PRELID2: variants seen among roughly 807,000 people sequenced by gnomAD.
PRELID2 encodes PRELI domain-containing protein 2.
In PRELID2, 25 loss-of-function variants were observed where a neutral mutation model predicts 28.4. The observed-to-expected ratio is 0.88, with a 90% CI of 0.64 to 1.23. The LOEUF (loss-of-function observed/expected upper bound fraction) is 1.23. Among genes scored for constraint, PRELID2 ranks in the 50% most tolerant of loss-of-function variants. The pLI, the probability that PRELID2 is intolerant of heterozygous loss-of-function variation, is 0.00. For synonymous variants in PRELID2, 76 were observed against 71.6 expected, an observed-to-expected ratio of 1.06 and a Z score of -0.31; for missense variants, 201 against 214.4, an observed-to-expected ratio of 0.94 and a Z score of 0.39.
At chr5:145,429,109 C>CTT in the PRELID2 span, among the ~76,000 whole-genome samples, 13 of 152,128 alleles carry the variant, frequency 8.5e-5, no homozygotes, top group Non-Finnish European at 1.6e-4. Context: ...TAAAAGAGCA[C>CTT]TTTGGAGACT....
chr5:145,408,397 A>T, the PRELID2 span, among the ~76,000 whole-genome samples: 43 of 24,816 alleles, frequency 1.7e-3, 1 homozygote, highest in Middle Eastern at 0.023. Context: ...AAAGAAATTT[A>T]TATATATATA....
the PRELID2 span, among the ~76,000 whole-genome samples, chr5:145,429,717 C>A: frequency 6.6e-6 from 1 of 151,760 alleles, no homozygotes; most frequent in Non-Finnish European, 1.5e-5. Context: ...AATATGATAT[C>A]AAGAAGTGGA....
the PRELID2 span, among the ~76,000 whole-genome samples, chr5:145,338,594 C>T: frequency 1.1e-4 from 16 of 152,294 alleles, no homozygotes; most frequent in East Asian, 1.9e-4. Context: ...TTTAATATGG[C>T]ATCACCTGTC....
At chr5:145,283,457 T>A in the PRELID2 span, among the ~76,000 whole-genome samples, 6 of 152,196 alleles carry the variant, frequency 3.9e-5, no homozygotes, top group African/African-American at 1.2e-4. Context: ...TTATTGGAAA[T>A]CTGTGTTTAG....
downstream of PRELID2, among the ~76,000 whole-genome samples, chr5:145,752,093 AC>A (rs1326641920): frequency 6.6e-6 from 1 of 152,032 alleles, no homozygotes; most frequent in African/African-American, 2.4e-5. Flanking sequence ...TGCATGCAAT[AC>A]CCCCCAGAAG....
At chr5:145,562,905 A>G (rs1752936103) in intron 1 of PRELID2, among the ~76,000 whole-genome samples, 2 of 152,226 alleles carry the variant, frequency 1.3e-5, no homozygotes, top group African/African-American at 4.8e-5. Context: ...GAATTTCAAC[A>G]AGGAAGAGGT....
At chr5:145,790,721 G>GTGTGTGTATATATATA (rs772901344) in intron 5 of PRELID2, among the ~76,000 whole-genome samples, 4 of 110,910 alleles carry the variant, frequency 3.6e-5, no homozygotes, top group African/African-American at 6.1e-5. Flanking sequence ...GTGTGTGTGT[G>GTGTGTGTATATATATA]TATATATATA....
chr5:145,362,906 A>G, the PRELID2 span, among the ~76,000 whole-genome samples: 2 of 152,092 alleles, frequency 1.3e-5, no homozygotes, highest in African/African-American at 4.8e-5. Context: ...AATAAGTTAA[A>G]TTTATTCATA....
At chr5:145,606,008 T>A (rs1448063862) in intron 1 of PRELID2, among the ~76,000 whole-genome samples, 1 of 152,098 alleles carries the variant, frequency 6.6e-6, no homozygotes, top group Non-Finnish European at 1.5e-5. Flanking sequence ...TATTCCTAGG[T>A]ATTTTATTCT....
chr5:145,451,551 C>A, the PRELID2 span, among the ~76,000 whole-genome samples: 1 of 152,128 alleles, frequency 6.6e-6, no homozygotes, highest in East Asian at 1.9e-4. Context: ...TCCTCATGAT[C>A]CTCCAGGGTG....
At chr5:145,319,722 A>C in the PRELID2 span, among the ~76,000 whole-genome samples, 696 of 151,524 alleles carry the variant, frequency 4.6e-3, 11 homozygotes, top group African/African-American at 0.016. Context: ...TAAATAAATA[A>C]ATAAATAATT....
Position 145,538,538 on chromosome 5 carries a change from A to G in PRELID2, n.71-65223T>C, listed in dbSNP as rs1295984118. Among the ~76,000 whole-genome samples, 4 of 151,986 alleles carry G rather than the reference A, an allele frequency of 2.6e-5. No individual in the cohort carries two copies. In the East Asian group the frequency reaches 7.7e-4, roughly 29 times the overall value. On this transcript the variant is annotated intron_variant and non_coding_transcript_variant, in intron 1 of 2. Coordinates refer to the PRELID2 transcript ENST00000510259. ...TGGCAGATTATAGAAGGTTTCCATCATCACAGAAGGTTCTATTAGACAGCA... is the reference window on the plus strand; with the variant it reads ...TGGCAGATTATAGAAGGTTTCCATCGTCACAGAAGGTTCTATTAGACAGCA...
intron 1 of PRELID2, among the ~76,000 whole-genome samples, chr5:145,519,727 G>A (rs1752547267): frequency 6.6e-6 from 1 of 152,076 alleles, no homozygotes; most frequent in Non-Finnish European, 1.5e-5. Context: ...TGAATTCATA[G>A]GCTCTGATCC....
intron 1 of PRELID2, among the ~76,000 whole-genome samples, chr5:145,668,757 G>A (rs912242543): frequency 6.6e-6 from 1 of 151,970 alleles, no homozygotes; most frequent in African/African-American, 2.4e-5. Flanking sequence ...CCACACAGCT[G>A]GTTTATTGGT....
intron 1 of PRELID2, among the ~76,000 whole-genome samples, chr5:145,697,010 T>G (rs1213871602): frequency 8.1e-6 from 1 of 122,794 alleles, no homozygotes; most frequent in African/African-American, 3.0e-5. Flanking sequence ...AGCAACAAAG[T>G]GGATGTAGGA....
the PRELID2 span, among the ~76,000 whole-genome samples, chr5:145,274,950 C>A: frequency 6.6e-6 from 1 of 152,130 alleles, no homozygotes; most frequent in Non-Finnish European, 1.5e-5. Context: ...AGGCCTCTCA[C>A]TTTGGCTTTT....
At chr5:145,641,675 G>A (rs957669280) in intron 1 of PRELID2, among the ~76,000 whole-genome samples, 3 of 152,026 alleles carry the variant, frequency 2.0e-5, no homozygotes, top group Non-Finnish European at 4.4e-5. Flanking sequence ...CCCCAGGGGG[G>A]CCCTGACAGG....
the PRELID2 span, among the ~76,000 whole-genome samples, chr5:145,331,073 G>A: frequency 3.9e-5 from 6 of 152,240 alleles, no homozygotes; most frequent in Admixed American, 2.6e-4. Context: ...TTTCTATGTA[G>A]CTGTGCACTT....
chr5:145,625,876 C>T (rs1352156980), intron 1 of PRELID2, among the ~76,000 whole-genome samples: 1 of 152,108 alleles, frequency 6.6e-6, no homozygotes, highest in Admixed American at 6.5e-5. Flanking sequence ...GTTGGCTCTA[C>T]TTTCAAAATA....
Sources: gnomAD v4.1 joint callset for allele counts (sites outside exome capture counted in the v4.1 genomes callset) on GRCh38, gnomAD v4.1.1 for gene constraint, MANE v1.5 for transcripts, NCBI Gene and HGNC (gene_info 2026-07-23, HGNC 2026-07-21) for gene names.